ZNF516: variants seen among roughly 807,000 people sequenced by gnomAD.
The protein encoded by ZNF516 is zinc finger protein 516.
ZNF516 carries 19 observed loss-of-function variants against 79.7 expected under a neutral mutation model. The ratio of observed to expected loss-of-function variants is 0.24; its 90% CI spans 0.17 to 0.35. The LOEUF is 0.35. Ranked by LOEUF, ZNF516 falls within the 10% of genes least tolerant of loss-of-function variation. The probability of loss-of-function intolerance (pLI) is 1.00; values close to 1 mark genes in which losing one functional copy is unlikely to be tolerated. For missense variants in ZNF516, 1,678 were observed against 1,679.5 expected, an observed-to-expected ratio of 1.00 and a Z score of 0.02; for synonymous variants, 877 against 739.5, an observed-to-expected ratio of 1.19 and a Z score of -3.02.
chr18:76,483,598 G>A (rs1433709985), intron 1 of ZNF516, among the ~76,000 whole-genome samples: 1 of 152,216 alleles, frequency 6.6e-6, no homozygotes, highest in Non-Finnish European at 1.5e-5. Context: ...CCTGGCTTAA[G>A]AAGGTGAGTC....
chr18:76,422,275 C>CT (rs1427732826), intron 3 of ZNF516, among the ~76,000 whole-genome samples: 1 of 151,964 alleles, frequency 6.6e-6, no homozygotes, highest in Non-Finnish European at 1.5e-5. Context: ...GCAGAAGAGC[C>CT]TGCGGAGAGC....
At chr18:76,428,859 T>C (rs2075627867) in intron 3 of ZNF516, among the ~76,000 whole-genome samples, 1 of 152,192 alleles carries the variant, frequency 6.6e-6, no homozygotes, top group South Asian at 2.1e-4. Context: ...AAAAGATGTG[T>C]GGATGTTCTA....
chr18:76,391,146 C>T (rs1005042623), intron 3 of ZNF516, among the ~76,000 whole-genome samples: 35 of 151,994 alleles, frequency 2.3e-4, no homozygotes, highest in African/African-American at 7.3e-4. Context: ...TGCGAGATTT[C>T]GAAAAGAAAA....
intron 3 of ZNF516, among the ~76,000 whole-genome samples, chr18:76,406,323 T>C (rs1427391981): frequency 6.6e-6 from 1 of 152,134 alleles, no homozygotes; most frequent in African/African-American, 2.4e-5. Flanking sequence ...CTCAGAACTC[T>C]GGGAGGCCGA....
At chr18:76,404,669 G>GT (rs2075278769) in intron 3 of ZNF516, among the ~76,000 whole-genome samples, 3 of 152,296 alleles carry the variant, frequency 2.0e-5, no homozygotes, top group East Asian at 1.9e-4. Flanking sequence ...ATGGGTGAGC[G>GT]TGAGTTTGTG....
At chr18:76,380,335 AC>A (rs1436057569) in intron 3 of ZNF516, 32 bp from the exon 4 acceptor site, 3 of 1,601,656 alleles carry the variant, frequency 1.9e-6, no homozygotes, top group Non-Finnish European at 2.6e-6. Flanking sequence ...ACGGGAAGTT[AC>A]CATTTCTCAT....
intron 2 of ZNF516, among the ~76,000 whole-genome samples, chr18:76,444,715 G>C (rs1291238553): frequency 6.6e-6 from 1 of 152,186 alleles, no homozygotes; most frequent in East Asian, 1.9e-4. Flanking sequence ...AAAAATCAGT[G>C]TCGGTGTCAA....
chr18:76,477,329 C>T (rs781587859), intron 1 of ZNF516, among the ~76,000 whole-genome samples: 41 of 152,152 alleles, frequency 2.7e-4, no homozygotes, highest in Non-Finnish European at 5.3e-4. Flanking sequence ...CGAAAACTGA[C>T]CCTCCGTGAA....
Position 76,442,693 on chromosome 18 carries a change from G to A in ZNF516, c.362C>T (p.Ala121Val), listed in dbSNP as rs1343572757. The part of the protein sequence containing the change: ...LDACASPTKS[A>V]SACNRLLNGA... ...GTTCAGCAGCCGGTTGCAGGCCGAGGCGCTCTTGGTGGGGCTGGCGCAGGC... is the reference window on the plus strand; with the variant it reads ...GTTCAGCAGCCGGTTGCAGGCCGAGACGCTCTTGGTGGGGCTGGCGCAGGC... The change falls in exon 3 of 7, where the codon GCC (alanine) becomes GTC (valine). Residue 121 changes from alanine (A) to valine (V), a missense_variant. Physicochemically the swap from Ala to Val is moderately conservative, Grantham distance 64 (BLOSUM62 0). Coordinates refer to ENST00000443185, the MANE Select transcript of ZNF516 (RefSeq NM_014643.4). 3.2e-6 allele frequency: 5 copies of A among 1,583,158 alleles called. No individual in the cohort carries two copies. Among genetic ancestry groups the A allele is most frequent in the African/African-American group, 1.3e-5 (1 of 74,098 alleles).
At chr18:76,464,411 T>A (rs28552931) in intron 1 of ZNF516, among the ~76,000 whole-genome samples, 2,591 of 152,294 alleles carry the variant, frequency 0.017, 87 homozygotes, top group African/African-American at 0.06. Flanking sequence ...TTGGCATGAC[T>A]GGGGCCTTTG....
In ZNF516 at chr18:76,441,865, G is replaced by A. The variant is rs1428430165; in HGVS notation, c.1190C>T (p.Ser397Leu). 2.5e-6 allele frequency: 4 copies of A among 1,581,426 alleles called. No homozygotes were observed. The highest frequency in any genetic ancestry group is 1.8e-5 in the Admixed American group (1 of 57,000). ...CCGTCCGGCCTGCGTGCCAGGGCAC[G>A]AGTCGCCGGCCGCCGACGGCCTCAG... ...LNLRPSAAGDSCPGTQAGRRV... is the reference protein window; with the variant it reads ...LNLRPSAAGDLCPGTQAGRRV... The change falls in exon 3 of 7, where the codon TCG becomes TTG. Residue 397 changes from serine to leucine, a missense_variant. Coordinates refer to ENST00000443185, the MANE Select transcript of ZNF516 (RefSeq NM_014643.4).
intron 3 of ZNF516, among the ~76,000 whole-genome samples, chr18:76,385,450 C>T (rs1168306610): frequency 2.0e-5 from 3 of 152,248 alleles, no homozygotes; most frequent in African/African-American, 7.2e-5. Flanking sequence ...ACTCCCCTTT[C>T]ACTTAAAATA....
At chr18:76,377,378 GT>G (rs1471165651) in intron 4 of ZNF516, among the ~76,000 whole-genome samples, 1 of 152,284 alleles carries the variant, frequency 6.6e-6, no homozygotes, top group East Asian at 1.9e-4. Context: ...GTTGGCTGGA[GT>G]AAGGCCTTTG....
In ZNF516 at chr18:76,492,998, A is replaced by C. The variant is rs28708754; in HGVS notation, c.-272+2146T>G. On this transcript the variant is annotated intron_variant, in intron 1 of 6. Coordinates refer to ENST00000443185, the MANE Select transcript of ZNF516 (RefSeq NM_014643.4). ...CGCGCACGCGCGCGCTCACACACAC[A>C]CCCCAAATTACCTCCGGGATGGAGA... 3,365 of 984,956 alleles carry C rather than the reference A, an allele frequency of 3.4e-3. 76 individuals are homozygous for C. In the African/African-American group the frequency reaches 0.043, roughly 13 times the overall value. 61.0% of individuals were successfully genotyped at this position (984,956 alleles called of 1,614,324 possible).
In ZNF516 at chr18:76,377,715, A is replaced by ATTTT. The variant is rs1213742643; in HGVS notation, c.3259+1136_3259+1139dup. Among the ~76,000 whole-genome samples, 115 of 133,632 alleles carry ATTTT rather than the reference A, an allele frequency of 8.6e-4. 1 individual carries two copies. The highest frequency in any genetic ancestry group is 2.9e-3 in the African/African-American group (105 of 36,348). 87.7% of individuals were successfully genotyped at this position (133,632 alleles called of 152,430 possible). A position where few individuals can be genotyped will look rare whatever the true frequency, so the allele number is the denominator to read the frequency against. ...TAAGAAACCACAGGCTTACAACGTTATTTTTTTTTTTTTTTTTTGAGATGG... is the reference window on the plus strand; with the variant it reads ...TAAGAAACCACAGGCTTACAACGTTATTTTTTTTTTTTTTTTTTTTTTGAGATGG... On this transcript the variant is annotated intron_variant, in intron 4 of 6. Coordinates refer to ENST00000443185, the MANE Select transcript of ZNF516 (RefSeq NM_014643.4).
At chr18:76,390,323 T>C (rs1006047295) in intron 3 of ZNF516, among the ~76,000 whole-genome samples, 15 of 152,214 alleles carry the variant, frequency 9.9e-5, no homozygotes, top group African/African-American at 3.4e-4. Flanking sequence ...TGTATGTCTG[T>C]AATGAAATCC....
intron 1 of ZNF516, among the ~76,000 whole-genome samples, chr18:76,475,354 G>A (rs1914114233): frequency 6.6e-6 from 1 of 152,164 alleles, no homozygotes; most frequent in African/African-American, 2.4e-5. Context: ...TTAAACGACT[G>A]ATAATATCAA....
chr18:76,424,814 C>T (rs909759180), intron 3 of ZNF516, among the ~76,000 whole-genome samples: 3 of 137,026 alleles, frequency 2.2e-5, no homozygotes, highest in African/African-American at 2.8e-5. Context: ...AAGGCTCCCC[C>T]GAAACACACG....
Position 76,401,275 on chromosome 18 carries a change from A to T in ZNF516, c.1811-20972T>A, listed in dbSNP as rs553319561. 6.2e-3 allele frequency among the ~76,000 whole-genome samples: 937 copies of T among 151,564 alleles called. 16 individuals are homozygous for T. The highest frequency in any genetic ancestry group is 0.022 in the African/African-American group (912 of 41,302). ...TTTTTTTTTTTTTTTTTGTGAACCA[A>T]AAAAAAGAATTTCAAGCCCCAATTG... On this transcript the variant is annotated intron_variant, in intron 3 of 6. Transcript: ENST00000443185.
Sources: allele counts gnomAD v4.1 joint callset (sites outside exome capture counted in the v4.1 genomes callset), GRCh38; gene constraint gnomAD v4.1.1; transcripts MANE v1.5; gene names NCBI Gene and HGNC (gene_info 2026-07-23, HGNC 2026-07-21).